Variants in KIAA1549L observed in about 807,000 individuals in gnomAD.
The protein encoded by KIAA1549L is UPF0606 protein KIAA1549L.
Under a neutral mutation model 160.7 loss-of-function variants are expected in KIAA1549L, and 88 were observed. The observed-to-expected ratio is 0.55, with a 90% CI of 0.46 to 0.65. The LOEUF is 0.65. Among genes scored for constraint, KIAA1549L ranks in the 30% least tolerant of loss-of-function variants. The pLI, the probability that KIAA1549L is intolerant of heterozygous loss-of-function variation, is 0.00. For synonymous variants in KIAA1549L, 950 were observed against 976.7 expected, an observed-to-expected ratio of 0.97 and a Z score of 0.51; for missense variants, 2,258 against 2,437.5, an observed-to-expected ratio of 0.93 and a Z score of 1.55.
intron 1 of KIAA1549L, among the ~76,000 whole-genome samples, chr11:33,399,349 C>T (rs1850451799): frequency 6.6e-6 from 1 of 152,150 alleles, no homozygotes; most frequent in Non-Finnish European, 1.5e-5. Flanking sequence ...GGTTTATTGC[C>T]AGGCAACCAA....
In KIAA1549L at chr11:33,671,438, T is replaced by C. The variant is rs1852670680; in HGVS notation, c.*3284T>C. 6.6e-6 allele frequency: 1 copy of C among 152,222 alleles called. No homozygotes were observed. Among genetic ancestry groups the C allele is most frequent in the South Asian group, 2.1e-4 (1 of 4,832 alleles). The allele number at this position is 152,222 out of a possible 1,614,324, so 9.4% of individuals were successfully genotyped here. On this transcript the variant is annotated 3_prime_UTR_variant, in exon 21 of 21. Transcript: ENST00000658780. ...CCTACAGAGCAAGGAGTTTCCTCTT[T>C]CAGGGTAGATTATGTAAGAATCAAT... is the stretch of plus-strand genomic sequence containing the variant.
At chr11:33,472,260 A>G (rs1489279453) in intron 1 of KIAA1549L, among the ~76,000 whole-genome samples, 1 of 145,642 alleles carries the variant, frequency 6.9e-6, no homozygotes, top group East Asian at 2.0e-4. Flanking sequence ...CTACAGGCAC[A>G]TGCCTCATGC....
chr11:33,425,172 A>G (rs1437388656), intron 1 of KIAA1549L, among the ~76,000 whole-genome samples: 1 of 152,162 alleles, frequency 6.6e-6, no homozygotes, highest in African/African-American at 2.4e-5. Flanking sequence ...AGAGCCTAAG[A>G]TGAGTTAATT....
chr11:33,456,059 G>A (rs1851814574), intron 1 of KIAA1549L, among the ~76,000 whole-genome samples: 1 of 152,140 alleles, frequency 6.6e-6, no homozygotes, highest in Admixed American at 6.5e-5. Flanking sequence ...GGAAGATAAT[G>A]GCATTCAATT....
intron 1 of KIAA1549L, among the ~76,000 whole-genome samples, chr11:33,390,766 G>A (rs1850258714): frequency 6.6e-6 from 1 of 152,176 alleles, no homozygotes. Context: ...TTCTATGGAA[G>A]ATAACAATGA....
chr11:33,523,972 T>G (rs1347304488), intron 1 of KIAA1549L, among the ~76,000 whole-genome samples: 1 of 152,322 alleles, frequency 6.6e-6, no homozygotes, highest in East Asian at 1.9e-4. Context: ...GATTGGATTT[T>G]GGTACTAACT....
chr11:33,569,540 A>C (rs1014204979), intron 9 of KIAA1549L, among the ~76,000 whole-genome samples: 3 of 152,222 alleles, frequency 2.0e-5, no homozygotes, highest in African/African-American at 7.2e-5. Flanking sequence ...AGCCATTAGC[A>C]TAGTCTGTGT....
intron 1 of KIAA1549L, among the ~76,000 whole-genome samples, chr11:33,494,226 A>G (rs2133073193): frequency 6.6e-6 from 1 of 152,348 alleles, no homozygotes; most frequent in East Asian, 1.9e-4. Flanking sequence ...AAAAGCAATT[A>G]TATAGATATG....
At chr11:33,456,951 C>T (rs1843473549) in intron 1 of KIAA1549L, among the ~76,000 whole-genome samples, 1 of 152,230 alleles carries the variant, frequency 6.6e-6, no homozygotes, top group Non-Finnish European at 1.5e-5. Flanking sequence ...CTCCCCTTCT[C>T]CTTCCCTTAG....
intron 1 of KIAA1549L, among the ~76,000 whole-genome samples, chr11:33,442,812 C>T (rs778055167): frequency 2.7e-4 from 41 of 152,134 alleles, no homozygotes; most frequent in Non-Finnish European, 4.3e-4. Flanking sequence ...TTAAACTTCA[C>T]TCTGTCCCCC....
At chr11:33,534,893 G>A (rs1295222099) in intron 1 of KIAA1549L, among the ~76,000 whole-genome samples, 1 of 152,112 alleles carries the variant, frequency 6.6e-6, no homozygotes, top group Non-Finnish European at 1.5e-5. Context: ...AAAGCTCCCT[G>A]CTTCCTACCT....
chr11:33,606,763 C>A lies in KIAA1549L; in HGVS notation c.5002C>A (p.Pro1668Thr), dbSNP rs777540726. 1.9e-6 allele frequency: 3 copies of A among 1,613,606 alleles called. No homozygotes were observed. The highest frequency in any genetic ancestry group is 2.2e-5 in the South Asian group (2 of 90,946). ...CATTGCCATAAAACCCACAGCCCTC[C>A]CCATGGTGCCCCCCACCTCGGACAG... is the stretch of plus-strand genomic sequence containing the variant. ...QLIAIKPTALPMVPPTSDRSQ... is the reference protein window; with the variant it reads ...QLIAIKPTALTMVPPTSDRSQ... The change falls in exon 14 of 21, where the codon CCC becomes ACC. Residue 1668 changes from proline (P) to threonine (T), a missense_variant. By Grantham distance (38) the Pro-to-Thr change is conservative. Coordinates refer to ENST00000658780, the MANE Select transcript of KIAA1549L (RefSeq NM_012194.3).
intron 16 of KIAA1549L, among the ~76,000 whole-genome samples, chr11:33,641,781 T>TAAGAA (rs1425978024): frequency 2.0e-5 from 3 of 151,794 alleles, no homozygotes; most frequent in Admixed American, 6.6e-5. Context: ...CTTCATAAGT[T>TAAGAA]CTTATAAGGA....
chr11:33,629,983 C>G (rs4755776), intron 16 of KIAA1549L, among the ~76,000 whole-genome samples: 109,453 of 150,752 alleles, frequency 0.73, 40,773 homozygotes, highest in African/African-American at 0.91. Flanking sequence ...TGTCCTTTCT[C>G]TTTGTTAGTT....
intron 16 of KIAA1549L, among the ~76,000 whole-genome samples, chr11:33,636,349 C>CTT (rs71034697): frequency 0.029 from 3,918 of 136,084 alleles, 92 homozygotes; most frequent in Middle Eastern, 0.056. Context: ...AATGAATCTT[C>CTT]TTTTTTTTTT....
intron 1 of KIAA1549L, among the ~76,000 whole-genome samples, chr11:33,395,555 A>G (rs905458496): frequency 2.6e-5 from 4 of 152,150 alleles, no homozygotes; most frequent in African/African-American, 7.2e-5. Context: ...AACATATTTT[A>G]GAAGGAAGGC....
At chr11:33,639,639 A>C (rs1851534043) in intron 16 of KIAA1549L, among the ~76,000 whole-genome samples, 1 of 152,188 alleles carries the variant, frequency 6.6e-6, no homozygotes, top group East Asian at 1.9e-4. Context: ...TCCCGGGCTC[A>C]AGCGATTCTC....
At chr11:33,471,661 C>T (rs539602023) in intron 1 of KIAA1549L, among the ~76,000 whole-genome samples, 1 of 152,302 alleles carries the variant, frequency 6.6e-6, no homozygotes, top group South Asian at 2.1e-4. Flanking sequence ...TCTCTAAGGT[C>T]TCTCCCTAGA....
Position 33,667,893 on chromosome 11 carries a change from C to T in KIAA1549L, c.6180C>T (p.Ile2060=), listed in dbSNP as rs374963931. ...WADSVPLPGY[I]EAYPRSRYPQ... Reference sequence around the variant, plus strand: ...TGCAGGTGCCCCTCCCAGGGTACATCGAGGCCTACCCCCGATCACGGTACC... The same window carrying T: ...TGCAGGTGCCCCTCCCAGGGTACATTGAGGCCTACCCCCGATCACGGTACC... Residue 2060 remains isoleucine, a synonymous_variant, in exon 21 of 21, where the codon ATC becomes ATT. Coordinates refer to ENST00000658780, the MANE Select transcript of KIAA1549L (RefSeq NM_012194.3). 62 of 1,612,408 alleles carry T rather than the reference C, an allele frequency of 3.8e-5. No homozygotes were observed. Among genetic ancestry groups the T allele is most frequent in the South Asian group, 7.7e-5 (7 of 90,742 alleles).
Sources: gnomAD v4.1 joint callset for allele counts (sites outside exome capture counted in the v4.1 genomes callset) on GRCh38, gnomAD v4.1.1 for gene constraint, MANE v1.5 for transcripts, NCBI Gene and HGNC (gene_info 2026-07-23, HGNC 2026-07-21) for gene names.